The following PCDHGA3 variants were observed in gnomAD, a reference collection of about 807,000 sequenced individuals.
PCDHGA3 encodes protocadherin gamma-A3.
A neutral mutation model predicts 58.5 loss-of-function variants in PCDHGA3; 40 were observed. The ratio of observed to expected loss-of-function variants is 0.68; its 90% CI spans 0.53 to 0.89. The LOEUF (loss-of-function observed/expected upper bound fraction) is 0.89, where lower values mean the gene tolerates loss of function less well. Among genes scored for constraint, PCDHGA3 ranks in the 40% least tolerant of loss-of-function variants. The pLI is 0.00. For missense variants in PCDHGA3, 1,223 were observed against 1,195.9 expected (o/e 1.02, Z -0.33); for synonymous variants, 530 against 525.7 (o/e 1.01, Z -0.11).
At chr5:141,467,604 CT>C (rs2099147202) in intron 1 of PCDHGA3, among the ~76,000 whole-genome samples, 1 of 152,204 alleles carries the variant, frequency 6.6e-6, no homozygotes, top group Non-Finnish European at 1.5e-5. Context: ...AGCACTTCAT[CT>C]TTGTCCCAGT....
At chr5:141,418,594 C>A in intron 1 of PCDHGA3, 4 of 1,614,022 alleles carry the variant, frequency 2.5e-6, no homozygotes, top group Non-Finnish European at 3.4e-6. Context: ...TCAGCCAGGA[C>A]GTGTACAGGG....
chr5:141,394,128 GC>G, intron 1 of PCDHGA3: 4 of 1,613,730 alleles, frequency 2.5e-6, no homozygotes, highest in Non-Finnish European at 3.4e-6. Context: ...AACTCAAATC[GC>G]TCTGCACGTG....
In PCDHGA3 at chr5:141,344,848, G is replaced by A; in HGVS notation, c.815G>A (p.Gly272Glu). ...LTVNATDPDEGFNAQVSYILD... is the reference protein window; with the variant it reads ...LTVNATDPDEEFNAQVSYILD... ...GTGAATGCCACTGACCCTGACGAGG[G>A]ATTCAATGCTCAAGTGTCTTATATT... Residue 272 changes from glycine (G) to glutamate (E), a missense_variant, in exon 1 of 4, where the codon GGA becomes GAA. Gly to Glu is a moderately conservative substitution (Grantham distance 98). Coordinates refer to ENST00000253812, the MANE Select transcript of PCDHGA3 (RefSeq NM_018916.4). 6.2e-7 allele frequency: 1 copy of A among 1,613,954 alleles called. No homozygotes were observed. Among genetic ancestry groups the A allele is most frequent in the South Asian group, 1.1e-5 (1 of 91,076 alleles).
At chr5:141,483,082 C>T (rs2099576709) in intron 1 of PCDHGA3, among the ~76,000 whole-genome samples, 1 of 151,662 alleles carries the variant, frequency 6.6e-6, no homozygotes, top group African/African-American at 2.4e-5. Flanking sequence ...GAGACTCCAT[C>T]TCAAAAAAAA....
At chr5:141,382,318 T>A (rs1233432296) in intron 1 of PCDHGA3, among the ~76,000 whole-genome samples, 1 of 152,250 alleles carries the variant, frequency 6.6e-6, no homozygotes, top group African/African-American at 2.4e-5. Context: ...TACACTGATG[T>A]AAATATTTTC....
At chr5:141,474,148 A>G (rs773360112) in intron 1 of PCDHGA3, among the ~76,000 whole-genome samples, 4 of 152,244 alleles carry the variant, frequency 2.6e-5, no homozygotes, top group Non-Finnish European at 5.9e-5. Context: ...CTTATTATCA[A>G]GAAAATGACA....
intron 1 of PCDHGA3, chr5:141,413,527 G>T (rs768496934): frequency 1.2e-6 from 2 of 1,613,820 alleles, no homozygotes; most frequent in African/African-American, 1.3e-5. Flanking sequence ...GGAAGACAGG[G>T]TGAAACTTTT....
chr5:141,414,900 T>C (rs1402776790), intron 1 of PCDHGA3: 5 of 1,614,170 alleles, frequency 3.1e-6, no homozygotes, highest in Middle Eastern at 1.6e-4. Flanking sequence ...CCACAGACGG[T>C]TCCACAGGCG....
At chr5:141,352,214 G>A (rs1440870321) in intron 1 of PCDHGA3, 5 of 1,613,928 alleles carry the variant, frequency 3.1e-6, no homozygotes, top group East Asian at 2.2e-5. Context: ...GCCACTCTCC[G>A]CCACCGCCAC....
At position 141,405,406 on chromosome 5, in the gene PCDHGA3, T is replaced by C. The variant is rs750140674; in HGVS notation, c.2424+58949T>C. On this transcript the variant is annotated intron_variant, in intron 1 of 3. Coordinates refer to ENST00000253812, the MANE Select transcript of PCDHGA3 (RefSeq NM_018916.4). ...GTTCATTTTTTTTCTTTCTTTCTTTTCTTTTTTTGTTTTTTGTTTTGTTTT... is the reference window on the plus strand; with the variant it reads ...GTTCATTTTTTTTCTTTCTTTCTTTCCTTTTTTTGTTTTTTGTTTTGTTTT... 1.2e-5 allele frequency: 19 copies of C among 1,584,070 alleles called. No individual in the cohort carries two copies. The Admixed American group carries it at 1.2e-4, about 10-fold the overall frequency.
chr5:141,385,507 AG>A, intron 1 of PCDHGA3: 1 of 1,376,812 alleles, frequency 7.3e-7, no homozygotes, highest in Non-Finnish European at 9.4e-7. Flanking sequence ...GTATTTCTTT[AG>A]TGAAAGCCTA....
At chr5:141,419,433 T>A (rs1333004780) in intron 1 of PCDHGA3, 6 of 1,613,246 alleles carry the variant, frequency 3.7e-6, no homozygotes, top group Non-Finnish European at 5.1e-6. Flanking sequence ...CACGAGCAGC[T>A]GCGCACCTTC....
intron 1 of PCDHGA3, chr5:141,400,401 G>T (rs760681088): frequency 3.1e-6 from 5 of 1,613,936 alleles, no homozygotes; most frequent in Non-Finnish European, 4.2e-6. Context: ...CAGGAAAGAC[G>T]GAGTTTAATT....
At chr5:141,393,515 T>C in intron 1 of PCDHGA3, 2 of 1,613,990 alleles carry the variant, frequency 1.2e-6, no homozygotes, top group Non-Finnish European at 1.7e-6. Context: ...CAGTGTTGGA[T>C]ACAAATGACA....
chr5:141,452,449 T>G (rs1482580788), intron 1 of PCDHGA3, among the ~76,000 whole-genome samples: 1 of 152,224 alleles, frequency 6.6e-6, no homozygotes, highest in South Asian at 2.1e-4. Flanking sequence ...TTCTAGGCCT[T>G]GTCAGCAGAC....
chr5:141,364,731 G>A (rs932792949), intron 1 of PCDHGA3: 1 of 1,613,914 alleles, frequency 6.2e-7, no homozygotes, highest in Non-Finnish European at 8.5e-7. Context: ...CCGCGTTTCC[G>A]GGATGAAGAG....
Position 141,351,977 on chromosome 5 carries a change from A to G in PCDHGA3, c.2424+5520A>G, listed in dbSNP as rs531004822. 39 of 1,612,178 alleles carry G rather than the reference A, an allele frequency of 2.4e-5. No homozygotes were observed. The South Asian group carries it at 3.5e-4, about 15-fold the overall frequency. ...GCCTGATGGCTCCGCCCTCTTCGAT[A>G]TGGTGCCACGCGCCGCAGAGCCCGG... On this transcript the variant is annotated intron_variant, in intron 1 of 3. Coordinates refer to ENST00000253812, the MANE Select transcript of PCDHGA3 (RefSeq NM_018916.4).
rs1195194477 is a variant in PCDHGA3, at chr5:141,432,620, C to G, written c.2425-62187C>G. On this transcript the variant is annotated intron_variant, in intron 1 of 3. Transcript: ENST00000253812. The surrounding 1 kb of genome is among the most constrained non-coding windows in gnomAD (Gnocchi z 6.0). ...CGAGCCGGGACTCTTCTCGGTGGGTCTGCACACGGGCGAGGTGCGCACGGC... is the reference window on the plus strand; with the variant it reads ...CGAGCCGGGACTCTTCTCGGTGGGTGTGCACACGGGCGAGGTGCGCACGGC... 6 of 1,613,190 alleles carry G rather than the reference C, an allele frequency of 3.7e-6. No individual in the cohort carries two copies. Among genetic ancestry groups the G allele is most frequent in the Admixed American group, 1.7e-5 (1 of 59,978 alleles).
At chr5:141,410,366 G>A (rs3749767) in intron 1 of PCDHGA3, 379,797 of 1,613,758 alleles carry the variant, frequency 0.24, 48,670 homozygotes, top group African/African-American at 0.5. Context: ...TCTCAGCCCT[G>A]CTACTTGGGA....
Sources: allele counts gnomAD v4.1 joint callset (sites outside exome capture counted in the v4.1 genomes callset), GRCh38; gene constraint gnomAD v4.1.1; non-coding constraint Gnocchi (gnomAD v3.1); transcripts MANE v1.5; gene names NCBI Gene and HGNC (gene_info 2026-07-23, HGNC 2026-07-21).